NSFL1C: variants seen among roughly 807,000 people sequenced by gnomAD.
NSFL1C encodes the protein NSFL1 cofactor, also known as NSFL1 cofactor p47.
A neutral mutation model predicts 43.1 loss-of-function variants in NSFL1C; 14 were observed. That is an observed-to-expected ratio of 0.32 (90% CI 0.21 to 0.51). The LOEUF is 0.51. NSFL1C is among the 20% of genes least tolerant of loss of function. The pLI is 0.98. For synonymous variants in NSFL1C, 171 were observed against 183.5 expected, an observed-to-expected ratio of 0.93 and a Z score of 0.55; for missense variants, 406 against 472.5, an observed-to-expected ratio of 0.86 and a Z score of 1.30.
intron 1 of NSFL1C, among the ~76,000 whole-genome samples, chr20:1,466,467 G>C (rs1385119562): frequency 6.6e-6 from 1 of 152,222 alleles, no homozygotes; most frequent in Non-Finnish European, 1.5e-5. Context: ...AGCGCCCGAA[G>C]TCTCGCTGAC....
At chr20:1,451,011 T>C (rs2090169541) in intron 7 of NSFL1C, among the ~76,000 whole-genome samples, 1 of 152,162 alleles carries the variant, frequency 6.6e-6, no homozygotes, top group Non-Finnish European at 1.5e-5. Context: ...TTGCCAGATA[T>C]TTCTGGGTGT....
At position 1,443,905 on chromosome 20, in the gene NSFL1C, G is replaced by T; in HGVS notation, c.957C>A (p.Ser319Arg). ...CATCCACGATGAAGAGTCGGATGTC[G>T]CTGATCCTGCAGGAGTTGGGGAAGC... ...VQKFNHSHRI[S>R]DIRLFIVDAR... is the part of the protein sequence containing the mutation. The change falls in exon 9 of 9, where the codon AGC (serine) becomes AGA (arginine). Residue 319 changes from serine to arginine, a missense_variant. Ser to Arg is a moderately radical substitution (Grantham distance 110). Transcript: ENST00000216879. The T allele has an allele frequency of 6.2e-7, 1 of 1,610,114 alleles. No individual in the cohort carries two copies.
Position 1,453,083 on chromosome 20 carries a change from T to C in NSFL1C, c.595A>G (p.Arg199Gly), listed in dbSNP as rs1405469583. Residue 199 changes from arginine to glycine, a missense_variant, in exon 6 of 9, where the codon AGA (arginine) becomes GGA (glycine). Arg to Gly is a moderately radical substitution (Grantham distance 125). Around this residue, in one of 3 missense-constraint regions of NSFL1C, gnomAD observed 196 missense variants for 228.0 expected, o/e 0.86. Transcript: ENST00000216879. ...GCATTGGATGGGTCTTGGTAGCTTC[T>C]GAGTTCTCCATTATCCAGGCTGAAT... ...SGFSLDNGEL[R>G]SYQDPSNAQF... 2 of 1,613,698 alleles carry C rather than the reference T, an allele frequency of 1.2e-6. No individual in the cohort carries two copies. Among genetic ancestry groups the C allele is most frequent in the Non-Finnish European group, 1.7e-6 (2 of 1,179,696 alleles).
intron 1 of NSFL1C, among the ~76,000 whole-genome samples, chr20:1,466,418 C>T (rs1372316450): frequency 6.6e-6 from 1 of 152,236 alleles, no homozygotes; most frequent in East Asian, 1.9e-4. Flanking sequence ...GGCGCGGCAG[C>T]CACGCCCCCA....
rs1384428935 is a variant in NSFL1C at position 1,445,843 on chromosome 20, G to A, written c.786-13C>T. ...CTGGGGGGCAGTGCTGAGGAGAGAG[G>A]ATGGCATCAGAACACAAGCAGAAAC... On this transcript the variant is annotated splice_polypyrimidine_tract_variant and intron_variant, in intron 7 of 8. Transcript: ENST00000216879. 4.3e-6 allele frequency: 7 copies of A among 1,613,310 alleles called. No individual in the cohort carries two copies. The highest frequency in any genetic ancestry group is 2.2e-5 in the East Asian group (1 of 44,848).
chr20:1,453,313 T>C (rs752855881), intron 5 of NSFL1C, among the ~76,000 whole-genome samples, 173 bp from the exon 6 acceptor site: 15 of 152,198 alleles, frequency 9.9e-5, no homozygotes, highest in Non-Finnish European at 1.6e-4. Flanking sequence ...AAATAAGCAT[T>C]AACCTAGAAT....
chr20:1,443,381 C>T lies in NSFL1C; in HGVS notation c.*368G>A, dbSNP rs755520473. 4.0e-5 allele frequency: 7 copies of T among 176,170 alleles called. No homozygotes were observed. The highest frequency in any genetic ancestry group is 7.3e-5 in the Non-Finnish European group (6 of 81,990). The allele number at this position is 176,170 out of a possible 1,614,324, so 10.9% of individuals were successfully genotyped here. On this transcript the variant is annotated 3_prime_UTR_variant, in exon 9 of 9. Transcript: ENST00000216879. The stretch of plus-strand genomic sequence containing the variant: ...ACTAGTGAATAAGCATTGTGTGCCA[C>T]AAGTTTTTATGCAGAGAAGATGGAA...
At position 1,454,829 on chromosome 20, in the gene NSFL1C, A is replaced by T; in HGVS notation, c.444+138T>A. 4 of 887,644 alleles carry T rather than the reference A, an allele frequency of 4.5e-6. 1 individual carries two copies. Among genetic ancestry groups the T allele is most frequent in the South Asian group, 3.3e-5 (2 of 59,880 alleles). The allele number at this position is 887,644 out of a possible 1,614,324, so 55.0% of individuals were successfully genotyped here. On this transcript the variant is annotated intron_variant, in intron 4 of 8. Transcript: ENST00000216879. ...TTCACGTTAAAGGGTGAGATAAACT[A>T]CACTCGTGTTCCGCACAGAAGACCA...
At chr20:1,449,891 C>G (rs1312471532) in intron 7 of NSFL1C, among the ~76,000 whole-genome samples, 1 of 152,144 alleles carries the variant, frequency 6.6e-6, no homozygotes, top group Admixed American at 6.5e-5. Context: ...GACCCCTCCT[C>G]CCAAGTGCAC....
intron 3 of NSFL1C, chr20:1,455,949 T>C (rs2090290965): frequency 6.8e-6 from 4 of 590,376 alleles, no homozygotes; most frequent in Non-Finnish European, 1.2e-5. Context: ...GGCTTTGCAA[T>C]AGGCCAGGCA....
intron 2 of NSFL1C, among the ~76,000 whole-genome samples, chr20:1,461,465 G>A (rs1321204128): frequency 6.6e-6 from 1 of 152,164 alleles, no homozygotes; most frequent in Non-Finnish European, 1.5e-5. Flanking sequence ...CAGGTGAGAG[G>A]CTCAAACAAA....
At chr20:1,460,194 C>T (rs1016707702) in intron 2 of NSFL1C, among the ~76,000 whole-genome samples, 2 of 152,156 alleles carry the variant, frequency 1.3e-5, no homozygotes, top group East Asian at 1.9e-4. Context: ...TACTGATGCA[C>T]GGAAAGTCTT....
At position 1,442,863 on chromosome 20, in the gene NSFL1C, C is replaced by T. The variant is rs958524441; in HGVS notation, c.*886G>A. The stretch of plus-strand genomic sequence containing the variant: ...TGCCACACATCACTAGTGAACAGCT[C>T]GGTGGCATTTTGACTGTTTATCTTA... On this transcript the variant is annotated 3_prime_UTR_variant, in exon 9 of 9. Coordinates refer to ENST00000216879, the MANE Select transcript of NSFL1C (RefSeq NM_016143.5). 2 of 152,170 alleles carry T rather than the reference C, an allele frequency of 1.3e-5. No individual in the cohort carries two copies. Among genetic ancestry groups the T allele is most frequent in the Admixed American group, 6.5e-5 (1 of 15,290 alleles). 9.4% of individuals were successfully genotyped at this position (152,170 alleles called of 1,614,324 possible).
chr20:1,459,847 T>C (rs149984941), intron 2 of NSFL1C, among the ~76,000 whole-genome samples: 4 of 152,374 alleles, frequency 2.6e-5, no homozygotes, highest in African/African-American at 9.6e-5. Context: ...ATGCTCAGCC[T>C]AAAGTTTCTT....
At chr20:1,446,163 G>C in intron 7 of NSFL1C, 1 of 444,480 alleles carries the variant, frequency 2.2e-6, no homozygotes, top group Non-Finnish European at 4.3e-6. Context: ...GGGTGGGAGA[G>C]ACAGGGTCAT....
At chr20:1,443,989 C>A (rs958635128) in intron 8 of NSFL1C, 78 bp from the exon 9 acceptor site, 17 of 1,427,756 alleles carry the variant, frequency 1.2e-5, no homozygotes, top group Non-Finnish European at 1.6e-5. Context: ...CTAAACACCT[C>A]GCAAATCCCC....
At chr20:1,465,684 C>T (rs1238293858) in intron 1 of NSFL1C, among the ~76,000 whole-genome samples, 2 of 152,212 alleles carry the variant, frequency 1.3e-5, no homozygotes, top group African/African-American at 4.8e-5. Flanking sequence ...TCCAATTCCT[C>T]ATCCATAAAA....
At chr20:1,456,062 T>C (rs930294314) in intron 3 of NSFL1C, 1 of 276,172 alleles carries the variant, frequency 3.6e-6, no homozygotes, top group Non-Finnish European at 7.0e-6. Flanking sequence ...CAGAGCTAAG[T>C]CAACAGCTTG....
At chr20:1,456,182 G>A in intron 3 of NSFL1C, 1 of 173,848 alleles carries the variant, frequency 5.8e-6, no homozygotes, top group Non-Finnish European at 1.2e-5. Flanking sequence ...AAGGACAACA[G>A]TACCAGTGTC....
Sources: gnomAD v4.1 joint callset for allele counts (sites outside exome capture counted in the v4.1 genomes callset) on GRCh38, gnomAD v4.1.1 for gene constraint, gnomAD v4.1.1 regional missense constraint, MANE v1.5 for transcripts, NCBI Gene and HGNC (gene_info 2026-07-23, HGNC 2026-07-21) for gene names.